The following CUX1 variants were observed in gnomAD, a reference collection of about 807,000 sequenced individuals.
CUX1 encodes protein CASP.
In CUX1, 31 loss-of-function variants were observed where a neutral mutation model predicts 158.8. That is an observed-to-expected ratio of 0.20 (90% CI 0.15 to 0.26). The LOEUF (loss-of-function observed/expected upper bound fraction) is 0.26, where lower values mean the gene tolerates loss of function less well. Ranked by LOEUF, CUX1 falls within the 10% of genes least tolerant of loss-of-function variation. The pLI, the probability that CUX1 is intolerant of heterozygous loss-of-function variation, is 1.00. For missense variants in CUX1, 1,589 were observed against 2,014.6 expected, an observed-to-expected ratio of 0.79 and a Z score of 4.04; for synonymous variants, 879 against 862.1, an observed-to-expected ratio of 1.02 and a Z score of -0.34.
At chr7:102,258,532 A>T (rs1270087692), downstream of CUX1, among the ~76,000 whole-genome samples, 1 of 152,188 alleles carries the variant, frequency 6.6e-6, no homozygotes, top group Non-Finnish European at 1.5e-5. Context: ...CCCTTGAACC[A>T]AGCCCTTACC....
intron 8 of CUX1, among the ~76,000 whole-genome samples, chr7:102,152,492 C>T (rs563834689): frequency 2.2e-4 from 34 of 152,242 alleles, no homozygotes; most frequent in Admixed American, 5.2e-4. Flanking sequence ...CATCTTGGCT[C>T]ATGCTCCTCC....
intron 3 of CUX1, among the ~76,000 whole-genome samples, chr7:102,068,205 C>T (rs1464235210): frequency 1.3e-5 from 2 of 151,952 alleles, no homozygotes; most frequent in African/African-American, 4.8e-5. Context: ...AGTCCTCCCA[C>T]CTCAGCCTCC....
intron 1 of CUX1, among the ~76,000 whole-genome samples, chr7:101,903,706 G>C (rs112974560): frequency 2.0e-5 from 3 of 152,140 alleles, no homozygotes; most frequent in Non-Finnish European, 4.4e-5. Flanking sequence ...ATGCGTCTCC[G>C]AGACAGCGTC....
chr7:102,080,264 G>A (rs1478356121), intron 4 of CUX1, among the ~76,000 whole-genome samples: 5 of 152,148 alleles, frequency 3.3e-5, no homozygotes, highest in South Asian at 2.1e-4. Context: ...GAGGTGCGTC[G>A]TTTGTGCCCC....
chr7:102,074,795 G>A lies in CUX1; in HGVS notation c.268+4378G>A, dbSNP rs1286190579. On this transcript the variant is annotated intron_variant, in intron 4 of 23. Coordinates refer to ENST00000292535, the MANE Select transcript of CUX1 (RefSeq NM_181552.4). Reference sequence around the variant, plus strand: ...CCACCTGATGTGTCCGGCAGAAGCCGTCTTCTTACTGCCTGCCTTCTTTTG... The same window carrying A: ...CCACCTGATGTGTCCGGCAGAAGCCATCTTCTTACTGCCTGCCTTCTTTTG... Among the ~76,000 whole-genome samples, 3 of 152,216 alleles carry A rather than the reference G, an allele frequency of 2.0e-5. No homozygotes were observed. In the East Asian group the frequency reaches 5.8e-4, roughly 29 times the overall value.
intron 20 of CUX1, among the ~76,000 whole-genome samples, chr7:102,281,378 G>T (rs1053556355): frequency 6.6e-6 from 1 of 151,736 alleles, no homozygotes. Context: ...AAAGAATTCC[G>T]GTGGCCGGGC....
rs569219261 is a variant in CUX1 at position 101,994,693 on chromosome 7, C to G, written c.142-33405C>G. 5.3e-5 allele frequency among the ~76,000 whole-genome samples: 8 copies of G among 152,258 alleles called. No homozygotes were observed. In the South Asian group the frequency reaches 8.3e-4, roughly 16 times the overall value. The stretch of plus-strand genomic sequence containing the variant: ...AGGCTTCTACTCCCTCCATTGTCAC[C>G]TTCGGGAATCTGCTTGTTACCTTCC... On this transcript the variant is annotated intron_variant, in intron 2 of 23. Coordinates refer to ENST00000292535, the MANE Select transcript of CUX1 (RefSeq NM_181552.4).
intron 16 of CUX1, chr7:102,275,121 C>T (rs913834441): frequency 2.1e-5 from 14 of 670,732 alleles, no homozygotes; most frequent in Non-Finnish European, 2.8e-5. Context: ...GGGAGTCAGA[C>T]ACCATGTGGC....
chr7:102,188,358 A>G (rs781889093), intron 11 of CUX1, among the ~76,000 whole-genome samples: 1 of 152,172 alleles, frequency 6.6e-6, no homozygotes, highest in Non-Finnish European at 1.5e-5. Context: ...TTCTTGTTTT[A>G]TGTAGAGTTG....
At chr7:101,887,842 C>CCTTTTTTTTTT (rs1562966470) in intron 1 of CUX1, among the ~76,000 whole-genome samples, 2 of 135,034 alleles carry the variant, frequency 1.5e-5, no homozygotes, top group Non-Finnish European at 3.2e-5. Context: ...ATGACGGTGA[C>CCTTTTTTTTTT]ATTTTTTTTT....
chr7:102,279,585 GC>G (rs1329206825), intron 18 of CUX1, among the ~76,000 whole-genome samples: 1 of 152,086 alleles, frequency 6.6e-6, no homozygotes, highest in Non-Finnish European at 1.5e-5. Flanking sequence ...TTCCTTTGGG[GC>G]CCAGCAGCCC....
At chr7:102,039,021 T>G (rs1184675486) in intron 3 of CUX1, among the ~76,000 whole-genome samples, 1 of 152,084 alleles carries the variant, frequency 6.6e-6, no homozygotes, top group East Asian at 1.9e-4. Context: ...AGTTAACATA[T>G]GAAAACAACC....
At chr7:102,075,729 C>A (rs1164242179) in intron 4 of CUX1, among the ~76,000 whole-genome samples, 1 of 152,190 alleles carries the variant, frequency 6.6e-6, no homozygotes, top group Non-Finnish European at 1.5e-5. Flanking sequence ...TGCAGGAGAA[C>A]AGAATGTATC....
At chr7:101,988,177 C>T (rs1814576929) in intron 2 of CUX1, among the ~76,000 whole-genome samples, 1 of 151,870 alleles carries the variant, frequency 6.6e-6, no homozygotes, top group South Asian at 2.1e-4. Flanking sequence ...ACGCACTGCA[C>T]TCCAGCCTGG....
rs185410747 is a variant in CUX1 at position 101,924,358 on chromosome 7, G to A, written c.141+8133G>A. 1.9e-4 allele frequency among the ~76,000 whole-genome samples: 29 copies of A among 152,146 alleles called. No individual in the cohort carries two copies. The South Asian group carries it at 2.7e-3, about 14-fold the overall frequency. On this transcript the variant is annotated intron_variant, in intron 2 of 23. Coordinates refer to ENST00000292535, the MANE Select transcript of CUX1 (RefSeq NM_181552.4). Reference sequence around the variant, plus strand: ...CAGAGTGACTCAGCCTGGAAAAAGAGAGTCACTTAAAAATAAAGTTGCGAC... The same window carrying A: ...CAGAGTGACTCAGCCTGGAAAAAGAAAGTCACTTAAAAATAAAGTTGCGAC...
chr7:102,073,157 T>TTTTC (rs1269149090), intron 4 of CUX1, among the ~76,000 whole-genome samples: 3 of 125,982 alleles, frequency 2.4e-5, no homozygotes, highest in African/African-American at 9.1e-5. Flanking sequence ...ATGTAATCTC[T>TTTTC]TTTCTTTCTT....
chr7:101,850,528 A>G (rs890974748), intron 1 of CUX1, among the ~76,000 whole-genome samples: 9 of 148,578 alleles, frequency 6.1e-5, no homozygotes, highest in African/African-American at 2.2e-4. Context: ...ATAGGAAATG[A>G]GAGCACTGTG....
chr7:101,950,535 A>G (rs951443689), intron 2 of CUX1, among the ~76,000 whole-genome samples: 2 of 152,118 alleles, frequency 1.3e-5, no homozygotes, highest in East Asian at 3.8e-4. Flanking sequence ...ACTGCCATCC[A>G]TCTCCAGAAC....
At chr7:102,237,155 A>G (rs1799659113) in intron 22 of CUX1, among the ~76,000 whole-genome samples, 1 of 152,152 alleles carries the variant, frequency 6.6e-6, no homozygotes, top group Non-Finnish European at 1.5e-5. Flanking sequence ...TATGGGGAAG[A>G]TTTACCTTCT....
Sources: gnomAD v4.1 joint callset for allele counts (sites outside exome capture counted in the v4.1 genomes callset) on GRCh38, gnomAD v4.1.1 for gene constraint, MANE v1.5 for transcripts, NCBI Gene and HGNC (gene_info 2026-07-23, HGNC 2026-07-21) for gene names.